Variants in GRID2 observed in about 807,000 individuals in gnomAD.
GRID2 encodes the protein glutamate ionotropic receptor delta type subunit 2, also known as glutamate receptor ionotropic, delta-2.
Under a neutral mutation model 114.8 loss-of-function variants are expected in GRID2, and 33 were observed. The observed-to-expected ratio is 0.29, with a 90% CI of 0.22 to 0.38. The LOEUF is 0.38. Ranked by LOEUF, GRID2 falls within the 10% of genes least tolerant of loss-of-function variation. The pLI is 1.00. For synonymous variants in GRID2, 505 were observed against 449.9 expected (o/e 1.12, Z -1.55); for missense variants, 1,184 against 1,257.7 (o/e 0.94, Z 0.89).
chr4:92,344,182 G>T (rs542063217), intron 1 of GRID2, among the ~76,000 whole-genome samples: 1 of 152,166 alleles, frequency 6.6e-6, no homozygotes, highest in South Asian at 2.1e-4. Context: ...ATGAAGCCAG[G>T]CGACTGAGCT....
chr4:92,888,086 G>A (rs923916603), intron 2 of GRID2, among the ~76,000 whole-genome samples: 2 of 152,068 alleles, frequency 1.3e-5, no homozygotes, highest in Admixed American at 6.6e-5. Flanking sequence ...CAGCCTATAT[G>A]GTGTATGATG....
intron 11 of GRID2, among the ~76,000 whole-genome samples, chr4:93,479,864 C>G (rs929621738): frequency 4.6e-5 from 7 of 152,064 alleles, no homozygotes; most frequent in African/African-American, 1.7e-4. Flanking sequence ...TACCAGTTGT[C>G]TGTTCCTGAA....
At chr4:92,507,241 A>C (rs1048498929) in intron 1 of GRID2, among the ~76,000 whole-genome samples, 3 of 151,954 alleles carry the variant, frequency 2.0e-5, no homozygotes, top group African/African-American at 7.2e-5. Context: ...AGAGTGTCAT[A>C]TATTTCCTGC....
intron 3 of GRID2, among the ~76,000 whole-genome samples, chr4:93,091,782 T>C (rs1285007577): frequency 1.3e-5 from 2 of 152,142 alleles, no homozygotes; most frequent in Non-Finnish European, 2.9e-5. Flanking sequence ...ATTATCCTTA[T>C]GATCCAGAAT....
intron 13 of GRID2, among the ~76,000 whole-genome samples, chr4:93,608,182 G>A (rs1280443536): frequency 6.7e-6 from 1 of 149,116 alleles, no homozygotes; most frequent in Non-Finnish European, 1.5e-5. Flanking sequence ...GATTTAATAA[G>A]TTGGTTAAAA....
intron 2 of GRID2, among the ~76,000 whole-genome samples, chr4:92,972,979 T>C (rs1247223267): frequency 6.6e-6 from 1 of 152,208 alleles, no homozygotes; most frequent in Non-Finnish European, 1.5e-5. Flanking sequence ...GGTGTAAGTG[T>C]AACACAATTT....
chr4:93,718,915 T>C (rs1447456276), intron 14 of GRID2, among the ~76,000 whole-genome samples: 2 of 152,144 alleles, frequency 1.3e-5, no homozygotes, highest in African/African-American at 2.4e-5. Flanking sequence ...TAAAATTTCA[T>C]AGAAGGTTAT....
At chr4:92,804,729 T>C (rs1740333288) in intron 2 of GRID2, among the ~76,000 whole-genome samples, 1 of 152,028 alleles carries the variant, frequency 6.6e-6, no homozygotes, top group Non-Finnish European at 1.5e-5. Flanking sequence ...TTCACCAAGA[T>C]TGCTTTGTGA....
At chr4:93,247,594 T>C (rs1047559334) in intron 8 of GRID2, among the ~76,000 whole-genome samples, 1 of 152,078 alleles carries the variant, frequency 6.6e-6, no homozygotes, top group East Asian at 1.9e-4. Flanking sequence ...ATTGGCTCTC[T>C]TGTTTCTTAG....
At chr4:92,478,341 A>G (rs1489069851) in intron 1 of GRID2, among the ~76,000 whole-genome samples, 1 of 152,138 alleles carries the variant, frequency 6.6e-6, no homozygotes, top group African/African-American at 2.4e-5. Context: ...TGTATTTCAA[A>G]CTTAGTCCTG....
At chr4:93,463,375 A>C (rs534220350) in intron 11 of GRID2, among the ~76,000 whole-genome samples, 1 of 152,306 alleles carries the variant, frequency 6.6e-6, no homozygotes, top group South Asian at 2.1e-4. Context: ...TATGCATACT[A>C]TATGGCCCTG....
At chr4:92,427,914 CT>C (rs1732239175) in intron 1 of GRID2, among the ~76,000 whole-genome samples, 1 of 152,100 alleles carries the variant, frequency 6.6e-6, no homozygotes, top group South Asian at 2.1e-4. Context: ...CTACTCTGTG[CT>C]TCTTTGGAGA....
intron 2 of GRID2, among the ~76,000 whole-genome samples, chr4:92,849,197 A>G (rs908016920): frequency 1.1e-4 from 17 of 151,940 alleles, no homozygotes; most frequent in African/African-American, 3.4e-4. Flanking sequence ...CTGAGTTTGT[A>G]TTAGGATGAG....
intron 2 of GRID2, among the ~76,000 whole-genome samples, chr4:92,981,906 G>T (rs1754234890): frequency 6.6e-6 from 1 of 151,122 alleles, no homozygotes; most frequent in African/African-American, 2.4e-5. Flanking sequence ...ATTTTAAATT[G>T]TGCAATGTGG....
intron 1 of GRID2, among the ~76,000 whole-genome samples, chr4:92,315,970 CA>C (rs1309698270): frequency 0.014 from 192 of 13,944 alleles, no homozygotes; most frequent in African/African-American, 0.058. Context: ...AACTCCAACT[CA>C]AAAAAAAACA....
At chr4:93,032,446 A>G (rs1052760847) in intron 2 of GRID2, among the ~76,000 whole-genome samples, 12 of 152,128 alleles carry the variant, frequency 7.9e-5, no homozygotes, top group African/African-American at 2.7e-4. Context: ...TAAAAATATG[A>G]TATTGAATTT....
At chr4:92,899,199 A>G (rs1319667827) in intron 2 of GRID2, among the ~76,000 whole-genome samples, 1 of 151,998 alleles carries the variant, frequency 6.6e-6, no homozygotes, top group Non-Finnish European at 1.5e-5. Flanking sequence ...TAATCTATAA[A>G]CATTATTCTT....
At chr4:93,145,644 C>CT (rs10605313) in intron 4 of GRID2, among the ~76,000 whole-genome samples, 772 of 45,708 alleles carry the variant, frequency 0.017, 50 homozygotes, top group Middle Eastern at 0.05. Context: ...TTCTTTTTTC[C>CT]TTTTTTTTTT....
At chr4:92,500,505 A>T (rs73837314) in intron 1 of GRID2, among the ~76,000 whole-genome samples, 4 of 152,144 alleles carry the variant, frequency 2.6e-5, no homozygotes, top group Non-Finnish European at 4.4e-5. Context: ...TCAGGCTGGC[A>T]TCTGAGTTCT....
Sources: gnomAD v4.1 joint callset for allele counts (sites outside exome capture counted in the v4.1 genomes callset) on GRCh38, gnomAD v4.1.1 for gene constraint, MANE v1.5 for transcripts, NCBI Gene and HGNC (gene_info 2026-07-23, HGNC 2026-07-21) for gene names.